TMEM135: variants seen among roughly 807,000 people sequenced by gnomAD.
The protein encoded by TMEM135 is transmembrane protein 135, also known as peroxisomal membrane protein 52.
A neutral mutation model predicts 60.3 loss-of-function variants in TMEM135; 30 were observed. The ratio of observed to expected loss-of-function variants is 0.50; its 90% CI spans 0.37 to 0.68. The LOEUF is 0.68. Ranked by LOEUF, TMEM135 falls within the 30% of genes least tolerant of loss-of-function variation. The pLI is 0.00. For synonymous variants in TMEM135, 190 were observed against 186.7 expected (o/e 1.02, Z -0.14); for missense variants, 468 against 548.8 (o/e 0.85, Z 1.47).
intron 4 of TMEM135, among the ~76,000 whole-genome samples, chr11:87,148,392 TA>T (rs1938470426): frequency 6.6e-6 from 1 of 152,172 alleles, no homozygotes; most frequent in African/African-American, 2.4e-5. Context: ...GAGATATCCT[TA>T]AAAATGTTGG....
intron 1 of TMEM135, among the ~76,000 whole-genome samples, chr11:87,041,627 G>C (rs141201542): frequency 0.015 from 2,351 of 152,270 alleles, 63 homozygotes; most frequent in African/African-American, 0.054. Flanking sequence ...GTTGTGAGGA[G>C]TTAAATAGGG....
chr11:87,199,832 A>G (rs1057165154), intron 5 of TMEM135, among the ~76,000 whole-genome samples: 1 of 152,202 alleles, frequency 6.6e-6, no homozygotes, highest in Admixed American at 6.5e-5. Flanking sequence ...AGGGAGGCTG[A>G]GGCAGGAGAA....
intron 4 of TMEM135, among the ~76,000 whole-genome samples, chr11:87,129,363 C>T (rs1219951611): frequency 6.6e-6 from 1 of 150,674 alleles, no homozygotes; most frequent in African/African-American, 2.4e-5. Flanking sequence ...CTGTCTCAGC[C>T]TCCCTAATAG....
intron 6 of TMEM135, among the ~76,000 whole-genome samples, chr11:87,248,020 T>TAA (rs937741409): frequency 2.5e-4 from 5 of 20,238 alleles, no homozygotes; most frequent in African/African-American, 1.0e-3. Flanking sequence ...ATAGCCTTTT[T>TAA]AAAAAAAAAA....
chr11:87,285,718 A>G (rs1057131106), intron 6 of TMEM135, among the ~76,000 whole-genome samples: 4 of 152,348 alleles, frequency 2.6e-5, no homozygotes, highest in African/African-American at 7.2e-5. Context: ...AAGCTTTCAC[A>G]GCGTGGAAGG....
Position 87,327,860 on chromosome 11 carries a change from C to G in TMEM135, c.*6527C>G. 2.2e-6 allele frequency: 1 copy of G among 453,978 alleles called. No individual in the cohort carries two copies. Among genetic ancestry groups the G allele is most frequent in the South Asian group, 1.6e-5 (1 of 64,458 alleles). 28.1% of individuals were successfully genotyped at this position (453,978 alleles called of 1,614,324 possible). A position where few individuals can be genotyped will look rare whatever the true frequency, so the allele number is the denominator to read the frequency against. ...TGGGCAGTTGGAGAAGAGTGTATCC[C>G]TGCTGCAGGGGAGAGAGAGAAGCCA... On this transcript the variant is annotated 3_prime_UTR_variant, in exon 15 of 15. Coordinates refer to ENST00000305494, the MANE Select transcript of TMEM135 (RefSeq NM_022918.4).
At chr11:87,270,295 T>C (rs1051751081) in intron 6 of TMEM135, among the ~76,000 whole-genome samples, 6 of 151,246 alleles carry the variant, frequency 4.0e-5, no homozygotes, top group Admixed American at 6.6e-5. Context: ...TTTTGTAGGA[T>C]GCCTGTTCAC....
chr11:87,125,553 T>C (rs1435256578), intron 4 of TMEM135, among the ~76,000 whole-genome samples: 1 of 152,236 alleles, frequency 6.6e-6, no homozygotes, highest in Non-Finnish European at 1.5e-5. Flanking sequence ...GAGTCTGTTA[T>C]GTCTGGACAG....
chr11:87,307,396 G>T (rs201425637), intron 9 of TMEM135, among the ~76,000 whole-genome samples: 2 of 124,320 alleles, frequency 1.6e-5, no homozygotes, highest in African/African-American at 6.1e-5. Flanking sequence ...AAAAAAAAAA[G>T]TAACATTGCT....
rs200644510 is a variant in TMEM135, at chr11:87,157,455, C to T, written c.462+49C>T. 1.5e-4 allele frequency: 223 copies of T among 1,490,962 alleles called. 1 individual carries two copies. The African/African-American group carries it at 1.7e-3, about 11-fold the overall frequency. The allele number at this position is 1,490,962 out of a possible 1,614,324, so 92.4% of individuals were successfully genotyped here. ...TTATTAGTTGTTAATTTATAGTTTG[C>T]GATTTTAAAATATAAAATGTGATGA... On this transcript the variant is annotated intron_variant, in intron 5 of 14. Coordinates refer to ENST00000305494, the MANE Select transcript of TMEM135 (RefSeq NM_022918.4).
intron 6 of TMEM135, among the ~76,000 whole-genome samples, chr11:87,263,220 G>T (rs187906795): frequency 2.0e-5 from 3 of 152,104 alleles, no homozygotes; most frequent in African/African-American, 7.2e-5. Context: ...TATTTACAGA[G>T]AAAATAAGGA....
intron 4 of TMEM135, among the ~76,000 whole-genome samples, chr11:87,101,425 A>G (rs774533813): frequency 3.9e-5 from 6 of 152,236 alleles, no homozygotes; most frequent in Non-Finnish European, 7.3e-5. Context: ...GTGATGTCAA[A>G]TGTAGTTAGT....
intron 4 of TMEM135, among the ~76,000 whole-genome samples, chr11:87,148,731 A>G (rs1203913445): frequency 6.6e-6 from 1 of 152,210 alleles, no homozygotes; most frequent in Non-Finnish European, 1.5e-5. Flanking sequence ...TATATGTATC[A>G]TTAATAATAG....
chr11:87,111,487 A>C (rs547416339), intron 4 of TMEM135, among the ~76,000 whole-genome samples: 1 of 151,580 alleles, frequency 6.6e-6, no homozygotes, highest in Non-Finnish European at 1.5e-5. Flanking sequence ...CTCTACTAAA[A>C]ATACAAAAAA....
At chr11:87,152,516 T>C (rs1938582460) in intron 4 of TMEM135, among the ~76,000 whole-genome samples, 1 of 152,242 alleles carries the variant, frequency 6.6e-6, no homozygotes, top group African/African-American at 2.4e-5. Flanking sequence ...CTTGGCTCAC[T>C]GCAACCTCCA....
At chr11:87,313,071 A>G (rs1250190128) in intron 10 of TMEM135, among the ~76,000 whole-genome samples, 2 of 151,786 alleles carry the variant, frequency 1.3e-5, no homozygotes, top group Non-Finnish European at 3.0e-5. Flanking sequence ...CTGGGTATAG[A>G]ATTGTGGCCT....
At chr11:87,223,723 G>A (rs1358999442) in intron 5 of TMEM135, among the ~76,000 whole-genome samples, 2 of 150,208 alleles carry the variant, frequency 1.3e-5, no homozygotes, top group African/African-American at 4.9e-5. Context: ...GGTTGTGTAT[G>A]CCTGTGATTC....
chr11:87,280,082 AT>A (rs1489767499), intron 6 of TMEM135, among the ~76,000 whole-genome samples: 1 of 152,238 alleles, frequency 6.6e-6, no homozygotes, highest in Non-Finnish European at 1.5e-5. Context: ...TTGTTAATCT[AT>A]CAAAAAGTTA....
In TMEM135 at chr11:87,321,388, T is replaced by C. The variant is rs746073759; in HGVS notation, c.*55T>C. ...ATGTTTCATCTTGAAGAGTTAATTATGTTGAACACAAAGGAGGGGGCCCAA... is the reference window on the plus strand; with the variant it reads ...ATGTTTCATCTTGAAGAGTTAATTACGTTGAACACAAAGGAGGGGGCCCAA... On this transcript the variant is annotated 3_prime_UTR_variant, in exon 15 of 15. Coordinates refer to ENST00000305494, the MANE Select transcript of TMEM135 (RefSeq NM_022918.4). The C allele has an allele frequency of 2.3e-5, 37 of 1,598,082 alleles. No individual in the cohort carries two copies. The highest frequency in any genetic ancestry group is 2.1e-4 in the South Asian group (19 of 90,784).
Sources: allele counts gnomAD v4.1 joint callset (sites outside exome capture counted in the v4.1 genomes callset), GRCh38; gene constraint gnomAD v4.1.1; transcripts MANE v1.5; gene names NCBI Gene and HGNC (gene_info 2026-07-23, HGNC 2026-07-21).